PRSS53: variants seen among roughly 807,000 people sequenced by gnomAD.
PRSS53 encodes EDTP308.
A neutral mutation model predicts 62.7 loss-of-function variants in PRSS53; 54 were observed. The ratio of observed to expected loss-of-function variants is 0.86; its 90% CI spans 0.69 to 1.08. The LOEUF is 1.08. PRSS53 is among the 50% of genes least tolerant of loss of function. The pLI, the probability that PRSS53 is intolerant of heterozygous loss-of-function variation, is 0.00. For missense variants in PRSS53, 688 were observed against 728.3 expected (o/e 0.94, Z 0.64); for synonymous variants, 273 against 300.0 (o/e 0.91, Z 0.93).
At chr16:31,088,903 G>A (rs1323270149) in exon 1 of PRSS53, 1 of 1,563,550 alleles carries the variant, frequency 6.4e-7, no homozygotes, top group Non-Finnish European at 8.6e-7. Context: ...CAGTTGGCTA[G>A]GATTCAGCTG....
chr16:31,084,195 G>C, exon 10 of PRSS53: 1 of 1,610,410 alleles, frequency 6.2e-7, no homozygotes, highest in Non-Finnish European at 8.5e-7. Context: ...AGTCCAAACT[G>C]CTGACCCAGT....
chr16:31,088,639 G>C (rs764728682), intron 1 of PRSS53, 113 bp downstream of exon 1: 40 of 1,567,478 alleles, frequency 2.6e-5, no homozygotes, highest in Non-Finnish European at 3.4e-5. Context: ...ATCCCCACTG[G>C]TGGACTGTCG....
In PRSS53 at chr16:31,084,624, AC is replaced by A. The variant is rs777151948; in HGVS notation, c.1358del (p.Gly453ValfsTer34). On this transcript the variant is annotated frameshift_variant, in exon 9 of 11. Transcript: ENST00000280606. LOFTEE classifies it high-confidence loss of function. Reference sequence around the variant, plus strand: ...TCCCCGGCAGAATAGGGCTGCCATCACCCCCAGGAGCTGCATGCAGCCGGCT... The same window carrying A: ...TCCCCGGCAGAATAGGGCTGCCATCACCCCAGGAGCTGCATGCAGCCGGCT... 1.2e-6 allele frequency: 2 copies of A among 1,607,098 alleles called. No individual in the cohort carries two copies. The highest frequency in any genetic ancestry group is 1.1e-5 in the South Asian group (1 of 89,818).
At position 31,086,768 on chromosome 16, in the gene PRSS53, G is replaced by A; in HGVS notation, c.373C>T (p.Gln125Ter). 1 of 1,612,854 alleles carries A rather than the reference G, an allele frequency of 6.2e-7. No individual in the cohort carries two copies. The highest frequency in any genetic ancestry group is 8.5e-7 in the Non-Finnish European group (1 of 1,179,576). The stretch of plus-strand genomic sequence containing the variant: ...TGCAGCAGGGCCAGGTCTGAGCCCT[G>A]GCTGTAGTGGTTATAGGCCCTGGGC... Residue 125 changes from glutamine (Q) to a stop codon, truncating the protein, a stop_gained, in exon 4 of 11, where the codon CAG (glutamine) becomes TAG (stop). Transcript: ENST00000280606. LOFTEE classifies it high-confidence loss of function.
rs768571446 is a variant in PRSS53 at position 31,083,829 on chromosome 16, G to A, written c.1643-20C>T. ...GTTGGCCTGTGGGGAAGGAAGGAGG[G>A]TGGAGTTGTCCTCATCCTCACGGCT... On this transcript the variant is annotated intron_variant, in intron 10 of 10. Coordinates refer to ENST00000280606, the Ensembl canonical transcript of PRSS53. 6.2e-7 allele frequency: 1 copy of A among 1,613,954 alleles called. No individual in the cohort carries two copies. The highest frequency in any genetic ancestry group is 1.1e-5 in the South Asian group (1 of 91,076).
In PRSS53 at chr16:31,088,081, G is replaced by C. The variant is rs934021201; in HGVS notation, c.59-255C>G. ...CTGGGGCTTGGGGTTCAGCTTGGGA[G>C]TAGGCCAGCCCTCCTCCAGGCTTCA... On this transcript the variant is annotated intron_variant, in intron 1 of 10. Transcript: ENST00000280606. The C allele has an allele frequency of 2.4e-5, 34 of 1,404,386 alleles. 1 individual carries two copies. The highest frequency in any genetic ancestry group is 2.9e-5 in the African/African-American group (2 of 69,078). The allele number at this position is 1,404,386 out of a possible 1,614,324, so 87.0% of individuals were successfully genotyped here. A position where few individuals can be genotyped will look rare whatever the true frequency, so the allele number is the denominator to read the frequency against.
exon 3 of PRSS53, chr16:31,087,591 C>T: frequency 6.2e-7 from 1 of 1,612,346 alleles, no homozygotes; most frequent in Non-Finnish European, 8.5e-7. Context: ...CAGGGAGCCG[C>T]TGCAGATGTG....
intron 1 of PRSS53, 126 bp from the exon 2 acceptor site, chr16:31,087,952 C>T: frequency 2.6e-6 from 4 of 1,547,454 alleles, no homozygotes; most frequent in Non-Finnish European, 3.5e-6. Flanking sequence ...CTTACCAGCC[C>T]CTCCCAGAAT....
chr16:31,084,241 C>T (rs748679234), exon 10 of PRSS53: 11 of 1,611,874 alleles, frequency 6.8e-6, no homozygotes, highest in Admixed American at 1.7e-5. Context: ...GACCGCCGGC[C>T]TGGCGGGGCC....
intron 3 of PRSS53, 22 bp downstream of exon 3, chr16:31,087,514 GC>G (rs2057246448): frequency 6.3e-7 from 1 of 1,595,022 alleles, no homozygotes. Context: ...CGGAGACCCT[GC>G]CTGACCCCAG....
At position 31,086,822 on chromosome 16, in the gene PRSS53, C is replaced by T. The variant is rs138969193; in HGVS notation, c.319G>A (p.Glu107Lys). ...TGCAGGGCAGCCACCCCCACCTCTT[C>T]GGCCCCAGGGCTGAGTCCCTCACGC... The change falls in exon 4 of 11, where the codon GAA (glutamate) becomes AAA (lysine). Residue 107 changes from glutamate (E) to lysine (K), a missense_variant. By Grantham distance (56) the Glu-to-Lys change is moderately conservative (BLOSUM62 1). Transcript: ENST00000280606. The T allele has an allele frequency of 1.8e-4, 294 of 1,613,648 alleles. No individual in the cohort carries two copies. The African/African-American group carries it at 2.8e-3, about 16-fold the overall frequency.
chr16:31,085,527 C>G (rs1201450943), intron 6 of PRSS53, among the ~76,000 whole-genome samples: 1 of 152,218 alleles, frequency 6.6e-6, no homozygotes, highest in Non-Finnish European at 1.5e-5. Flanking sequence ...TTGTCACTCC[C>G]CTGCTCCACC....
At position 31,083,958 on chromosome 16, in the gene PRSS53, A is replaced by C; in HGVS notation, c.1643-149T>G. ...TCAAAGCGGTTGAGCAGCCTGCTCCAAGTCACACGATGACAAAGAACCAGA... is the reference window on the plus strand; with the variant it reads ...TCAAAGCGGTTGAGCAGCCTGCTCCCAGTCACACGATGACAAAGAACCAGA... On this transcript the variant is annotated intron_variant, in intron 10 of 10. Coordinates refer to ENST00000280606, the Ensembl canonical transcript of PRSS53. 3 of 1,508,672 alleles carry C rather than the reference A, an allele frequency of 2.0e-6. No homozygotes were observed. The South Asian group carries it at 3.9e-5, about 20-fold the overall frequency. The allele number at this position is 1,508,672 out of a possible 1,614,324, so 93.5% of individuals were successfully genotyped here.
rs1224394166 is a variant in PRSS53 at position 31,086,617 on chromosome 16, C to A, written c.508+16G>T. 1.3e-6 allele frequency: 2 copies of A among 1,542,720 alleles called. No homozygotes were observed. Among genetic ancestry groups the A allele is most frequent in the African/African-American group, 2.7e-5 (2 of 73,238 alleles). On this transcript the variant is annotated intron_variant, in intron 4 of 10. Coordinates refer to ENST00000280606, the Ensembl canonical transcript of PRSS53. ...GCAGAGTGCCTCTCCGAGCTTCAGT[C>A]TGGGCCAGCACTTACCATCACTGGT...
At chr16:31,088,019 C>T in intron 1 of PRSS53, 193 bp from the exon 2 acceptor site, 4 of 1,475,594 alleles carry the variant, frequency 2.7e-6, no homozygotes, top group Non-Finnish European at 3.6e-6. Context: ...AGTGTGCACA[C>T]TCAGTAATTA....
At chr16:31,084,204 G>A (rs756309499) in exon 10 of PRSS53, 1 of 1,611,222 alleles carries the variant, frequency 6.2e-7, no homozygotes, top group Admixed American at 1.7e-5. Flanking sequence ...TGCTGACCCA[G>A]TCCTCATAGG....
At chr16:31,087,104 C>T in intron 3 of PRSS53, 1 of 560,276 alleles carries the variant, frequency 1.8e-6, no homozygotes, top group Non-Finnish European at 3.1e-6. Context: ...CTCAAGCGAT[C>T]CTCCCACCTC....
At chr16:31,083,998 G>A (rs907378366) in intron 10 of PRSS53, 121 bp downstream of exon 10, 1 of 1,498,368 alleles carries the variant, frequency 6.7e-7, no homozygotes, top group Non-Finnish European at 8.9e-7. Context: ...GAATCAAATG[G>A]GTCTGCCTGT....
rs201075024 is a variant in PRSS53 at position 31,087,679 on chromosome 16, C to G, written c.100G>C (p.Gly34Arg). The G allele has an allele frequency of 4.3e-6, 7 of 1,611,646 alleles. No individual in the cohort carries two copies. In the African/African-American group the frequency reaches 5.3e-5, roughly 12 times the overall value. Reference sequence around the variant, plus strand: ...TTGCCCTCCTGAGGCTTGGGGGGGCCGGGGCCACGCTGTCCACAGGCTGTG... The same window carrying G: ...TTGCCCTCCTGAGGCTTGGGGGGGCGGGGGCCACGCTGTCCACAGGCTGTG... Residue 34 changes from glycine to arginine, a missense_variant, in exon 3 of 11, where the codon GGC becomes CGC. Physicochemically the swap from Gly to Arg is moderately radical, Grantham distance 125. Coordinates refer to ENST00000280606, the Ensembl canonical transcript of PRSS53.
Sources: allele counts gnomAD v4.1 joint callset (sites outside exome capture counted in the v4.1 genomes callset), GRCh38; gene constraint gnomAD v4.1.1; transcripts MANE v1.5; gene names NCBI Gene and HGNC (gene_info 2026-07-23, HGNC 2026-07-21).